The following GNG7 variants were observed in gnomAD, a reference collection of about 807,000 sequenced individuals.
GNG7 encodes the protein G protein subunit gamma 7.
GNG7 carries 1 observed loss-of-function variant against 4.0 expected under a neutral mutation model. The ratio of observed to expected loss-of-function variants is 0.25; its 90% CI spans 0.09 to 1.18. The LOEUF (loss-of-function observed/expected upper bound fraction) is 1.18, where lower values mean the gene tolerates loss of function less well. Among genes scored for constraint, GNG7 ranks in the 50% most tolerant of loss-of-function variants. The pLI, the probability that GNG7 is intolerant of heterozygous loss-of-function variation, is 0.50. For missense variants in GNG7, 86 were observed against 91.9 expected (o/e 0.94, Z 0.26); for synonymous variants, 34 against 36.9 (o/e 0.92, Z 0.29).
At chr19:2,670,097 C>T (rs891321849) in intron 1 of GNG7, among the ~76,000 whole-genome samples, 1 of 151,882 alleles carries the variant, frequency 6.6e-6, no homozygotes, top group Non-Finnish European at 1.5e-5. Flanking sequence ...TACTTCAAGG[C>T]CTCTGACTGT....
At chr19:2,616,348 G>C (rs527680160) in intron 2 of GNG7, among the ~76,000 whole-genome samples, 1 of 151,996 alleles carries the variant, frequency 6.6e-6, no homozygotes, top group Non-Finnish European at 1.5e-5. Context: ...GTGTTCCAGC[G>C]ATTCTCCTGC....
intron 3 of GNG7, among the ~76,000 whole-genome samples, chr19:2,525,865 G>C (rs1315049744): frequency 6.6e-6 from 1 of 151,756 alleles, no homozygotes; most frequent in East Asian, 1.9e-4. Context: ...GCTGAAGTGC[G>C]GTGGCGCGAT....
intron 1 of GNG7, among the ~76,000 whole-genome samples, chr19:2,689,880 C>T (rs911406852): frequency 1.3e-5 from 2 of 152,054 alleles, no homozygotes; most frequent in African/African-American, 2.4e-5. Context: ...TTCAGCCTTG[C>T]GGTGGAGCCA....
At chr19:2,547,947 C>T (rs1979181834) in intron 3 of GNG7, among the ~76,000 whole-genome samples, 1 of 152,196 alleles carries the variant, frequency 6.6e-6, no homozygotes. Flanking sequence ...CCCGTCCGGG[C>T]ACACACATGG....
Position 2,689,634 on chromosome 19 carries a change from A to C in GNG7, c.-135+13012T>G, listed in dbSNP as rs1032698398. Among the ~76,000 whole-genome samples, 43 of 150,908 alleles carry C rather than the reference A, an allele frequency of 2.8e-4. 1 individual carries two copies. The highest frequency in any genetic ancestry group is 2.1e-4 in the South Asian group (1 of 4,816). ...TGAGACTCCAACTCAAAAAAAAAAAAAAAAAAAAAAAAAAACCATATTCGA... is the reference window on the plus strand; with the variant it reads ...TGAGACTCCAACTCAAAAAAAAAAACAAAAAAAAAAAAAAACCATATTCGA... On this transcript the variant is annotated intron_variant, in intron 1 of 4. Transcript: ENST00000382159.
intron 3 of GNG7, among the ~76,000 whole-genome samples, chr19:2,539,884 C>CCTTT (rs59445066): frequency 0.31 from 45,325 of 145,504 alleles, 7,274 homozygotes; most frequent in East Asian, 0.59. Context: ...CTCTCCCTCT[C>CCTTT]CTTCCTTCCT....
At chr19:2,623,375 G>A (rs80229245) in intron 2 of GNG7, among the ~76,000 whole-genome samples, 6,135 of 152,032 alleles carry the variant, frequency 0.04, 141 homozygotes, top group Middle Eastern at 0.088. Context: ...GGAGGGGCTC[G>A]GACAGATACT....
intron 2 of GNG7, among the ~76,000 whole-genome samples, chr19:2,644,327 T>TTATATATATA (rs56143197): frequency 1.7e-4 from 20 of 114,460 alleles, no homozygotes; most frequent in East Asian, 2.9e-4. Context: ...GGCCTACACT[T>TTATATATATA]TATATATATA....
chr19:2,697,286 T>G (rs754786294), intron 1 of GNG7, among the ~76,000 whole-genome samples: 3 of 152,226 alleles, frequency 2.0e-5, no homozygotes, highest in Admixed American at 6.5e-5. Context: ...AAGTAACTGT[T>G]CGTGGAAGCG....
chr19:2,660,837 G>A (rs577615909), intron 1 of GNG7, among the ~76,000 whole-genome samples: 12 of 152,134 alleles, frequency 7.9e-5, no homozygotes, highest in Middle Eastern at 3.4e-3. Context: ...TCTTTCTTGG[G>A]TCATGTGTTC....
intron 2 of GNG7, among the ~76,000 whole-genome samples, chr19:2,616,287 C>A (rs1169107851): frequency 6.6e-6 from 1 of 152,088 alleles, no homozygotes; most frequent in East Asian, 1.9e-4. Flanking sequence ...CTCTGCTGCC[C>A]AGGCTGGAGT....
chr19:2,528,880 C>G (rs574180313), intron 3 of GNG7, among the ~76,000 whole-genome samples: 1 of 152,212 alleles, frequency 6.6e-6, no homozygotes, highest in Non-Finnish European at 1.5e-5. Context: ...GGACCCTCTT[C>G]CAGGGACCTG....
At chr19:2,542,882 T>A (rs75591464) in intron 3 of GNG7, among the ~76,000 whole-genome samples, 2 of 37,138 alleles carry the variant, frequency 5.4e-5, no homozygotes, top group African/African-American at 2.7e-4. Flanking sequence ...GCTGTTTTCC[T>A]TTTTTTTTTT....
intron 4 of GNG7, among the ~76,000 whole-genome samples, chr19:2,517,513 C>T (rs138891767): frequency 0.012 from 1,754 of 152,086 alleles, 31 homozygotes; most frequent in East Asian, 0.029. Context: ...TCCAGGCGCA[C>T]GCCACCACGC....
intron 3 of GNG7, among the ~76,000 whole-genome samples, chr19:2,550,320 C>A (rs554642015): frequency 3.3e-5 from 5 of 152,274 alleles, no homozygotes; most frequent in Admixed American, 1.3e-4. Flanking sequence ...CGGGTTCAAG[C>A]GATTCTCCTG....
At chr19:2,567,467 A>G (rs1305214812) in intron 2 of GNG7, among the ~76,000 whole-genome samples, 1 of 151,990 alleles carries the variant, frequency 6.6e-6, no homozygotes, top group African/African-American at 2.4e-5. Context: ...CTGGGACTAC[A>G]GGTGCACACT....
At chr19:2,606,628 C>T (rs1981390859) in intron 2 of GNG7, among the ~76,000 whole-genome samples, 1 of 150,496 alleles carries the variant, frequency 6.6e-6, no homozygotes, top group African/African-American at 2.5e-5. Context: ...GCACTCCAGC[C>T]TGGGCAACAA....
In GNG7 at chr19:2,546,974, C is replaced by T. The variant is rs772584173; in HGVS notation, c.-38+8175G>A. 4.3e-4 allele frequency among the ~76,000 whole-genome samples: 65 copies of T among 152,130 alleles called. No individual in the cohort carries two copies. The highest frequency in any genetic ancestry group is 8.4e-4 in the Non-Finnish European group (57 of 67,984). ...GCAAGGGGCAGCGCCGGCCTCGTGA[C>T]GGTGGTGCTCGGGAGCTGAAGGGCA... On this transcript the variant is annotated intron_variant, in intron 3 of 4. Coordinates refer to ENST00000382159, the MANE Select transcript of GNG7 (RefSeq NM_052847.3). The surrounding 1 kb of genome is among the most constrained non-coding windows in gnomAD (Gnocchi z 6.3).
At chr19:2,535,272 T>C (rs7255523) in intron 3 of GNG7, among the ~76,000 whole-genome samples, 51,888 of 148,740 alleles carry the variant, frequency 0.35, 9,353 homozygotes, top group East Asian at 0.52. Flanking sequence ...GAGGATCACT[T>C]GAGCCCAAGA....
Sources: gnomAD v4.1 joint callset for allele counts (sites outside exome capture counted in the v4.1 genomes callset) on GRCh38, gnomAD v4.1.1 for gene constraint, Gnocchi (gnomAD v3.1) non-coding constraint, MANE v1.5 for transcripts, NCBI Gene and HGNC (gene_info 2026-07-23, HGNC 2026-07-21) for gene names.